ANK2: variants seen among roughly 807,000 people sequenced by gnomAD.
ANK2 encodes ankyrin-2.
In ANK2, 83 loss-of-function variants were observed where a neutral mutation model predicts 360.5. That is an observed-to-expected ratio of 0.23 (90% CI 0.19 to 0.28). The LOEUF (loss-of-function observed/expected upper bound fraction) is 0.28. Among genes scored for constraint, ANK2 ranks in the 10% least tolerant of loss-of-function variants. The pLI, the probability that ANK2 is intolerant of heterozygous loss-of-function variation, is 1.00. For missense variants in ANK2, 4,201 were observed against 4,795.7 expected, an observed-to-expected ratio of 0.88 and a Z score of 3.66; for synonymous variants, 1,740 against 1,759.5, an observed-to-expected ratio of 0.99 and a Z score of 0.28.
intron 43 of ANK2, among the ~76,000 whole-genome samples, chr4:113,370,661 G>A (rs969923314): frequency 3.3e-5 from 5 of 152,302 alleles, no homozygotes; most frequent in African/African-American, 1.2e-4. Context: ...TCCGGAGGCT[G>A]AGGCAGGAGA....
chr4:112,722,020 A>G, the ANK2 span, among the ~76,000 whole-genome samples: 3 of 152,334 alleles, frequency 2.0e-5, no homozygotes, highest in East Asian at 5.8e-4. Flanking sequence ...ATGTAACCTC[A>G]TAAAAGGTTT....
the ANK2 span, among the ~76,000 whole-genome samples, chr4:112,810,993 T>A: frequency 2.0e-5 from 3 of 150,520 alleles, no homozygotes; most frequent in African/African-American, 7.3e-5. Flanking sequence ...TGGAGGGCAG[T>A]GGCGCGATCT....
rs759911926 is a variant in ANK2 at position 113,232,279 on chromosome 4, A to C, written c.483+20A>C. 2 of 1,516,068 alleles carry C rather than the reference A, an allele frequency of 1.3e-6. No individual in the cohort carries two copies. The highest frequency in any genetic ancestry group is 2.2e-5 in the South Asian group (2 of 88,974). The allele number at this position is 1,516,068 out of a possible 1,614,324, so 93.9% of individuals were successfully genotyped here. ...ACAGAGGTAAGACTGTCAGCCCTAA[A>C]GCCTTGAATTCTTTGATCTTAATGT... On this transcript the variant is annotated intron_variant, in intron 5 of 45. Transcript: ENST00000357077.
chr4:112,705,865 G>C, the ANK2 span, among the ~76,000 whole-genome samples: 1 of 151,974 alleles, frequency 6.6e-6, no homozygotes, highest in African/African-American at 2.4e-5. Context: ...AGGGGCAGCT[G>C]CTTGCCCAGC....
At position 113,367,870 on chromosome 4, in the gene ANK2, C is replaced by A. The variant is rs763807097; in HGVS notation, c.11318+19C>A. 1 of 1,613,910 alleles carries A rather than the reference C, an allele frequency of 6.2e-7. No homozygotes were observed. The highest frequency in any genetic ancestry group is 2.2e-5 in the East Asian group (1 of 44,858). On this transcript the variant is annotated intron_variant, in intron 42 of 45. Coordinates refer to ENST00000357077, the MANE Select transcript of ANK2 (RefSeq NM_001148.6). Reference sequence around the variant, plus strand: ...AATATTTGTGAGTTTCCAAAGAAAGCCTGTCAAATGTAATACCAAAGAAAC... The same window carrying A: ...AATATTTGTGAGTTTCCAAAGAAAGACTGTCAAATGTAATACCAAAGAAAC...
intron 1 of ANK2, among the ~76,000 whole-genome samples, chr4:112,843,239 C>A (rs1472683849): frequency 1.3e-5 from 2 of 152,202 alleles, no homozygotes; most frequent in Non-Finnish European, 2.9e-5. Flanking sequence ...ATTTAGCCTT[C>A]ACGGAGATGT....
chr4:113,356,553 T>C lies in ANK2; in HGVS notation c.7935T>C (p.Asp2645=), dbSNP rs1229854532. The part of the protein sequence containing the change: ...DEPKHTGSGE[D]ESGVPVLVTS... Reference sequence around the variant, plus strand: ...CAAAACATACAGGCAGTGGGGAGGATGAAAGTGGTGTCCCTGTGTTAGTAA... The same window carrying C: ...CAAAACATACAGGCAGTGGGGAGGACGAAAGTGGTGTCCCTGTGTTAGTAA... Residue 2645 remains aspartate, a synonymous_variant, in exon 38 of 46, where the codon GAT becomes GAC. Coordinates refer to ENST00000357077, the MANE Select transcript of ANK2 (RefSeq NM_001148.6). 6.2e-7 allele frequency: 1 copy of C among 1,613,900 alleles called. No homozygotes were observed. Among genetic ancestry groups the C allele is most frequent in the African/African-American group, 1.3e-5 (1 of 74,866 alleles).
intron 2 of ANK2, among the ~76,000 whole-genome samples, chr4:112,930,458 AAAAAG>A (rs2093080061): frequency 1.3e-5 from 2 of 151,592 alleles, no homozygotes; most frequent in South Asian, 4.2e-4. Context: ...CAAAAAAAAA[AAAAAG>A]AAAAGAAAAT....
intron 24 of ANK2, among the ~76,000 whole-genome samples, chr4:113,315,707 G>A (rs1191783408): frequency 6.6e-6 from 1 of 151,964 alleles, no homozygotes; most frequent in African/African-American, 2.4e-5. Flanking sequence ...GACCATCCTG[G>A]CTAACACGGT....
Position 113,353,948 on chromosome 4 carries a change from T to C in ANK2, c.5330T>C (p.Val1777Ala). The change falls in exon 38 of 46, where the codon GTG becomes GCG. Residue 1777 changes from valine (V) to alanine (A), a missense_variant. Around this residue, in one of 4 missense-constraint regions of ANK2, gnomAD observed 2,642 missense variants for 2,714.5 expected, o/e 0.97. Transcript: ENST00000357077. ...KDKVKALQKR[V>A]EDEQKGRSKL... ...AAAGTAAAGGCCCTTCAGAAGCGAG[T>C]GGAAGATGAACAGAAAGGTCGAAGC... 2 of 1,613,548 alleles carry C rather than the reference T, an allele frequency of 1.2e-6. No individual in the cohort carries two copies. Among genetic ancestry groups the C allele is most frequent in the Non-Finnish European group, 1.7e-6 (2 of 1,179,830 alleles).
intron 4 of ANK2, among the ~76,000 whole-genome samples, chr4:113,227,705 C>T (rs2099242156): frequency 6.6e-6 from 1 of 152,174 alleles, no homozygotes; most frequent in Non-Finnish European, 1.5e-5. Context: ...GTAACTGCCA[C>T]CTGCCTGTCA....
At chr4:112,787,334 C>T in the ANK2 span, among the ~76,000 whole-genome samples, 1 of 152,164 alleles carries the variant, frequency 6.6e-6, no homozygotes, top group African/African-American at 2.4e-5. Context: ...TCGATAAACC[C>T]TCTATTCAGG....
chr4:112,898,218 T>A (rs2082277161), intron 1 of ANK2, among the ~76,000 whole-genome samples: 1 of 152,202 alleles, frequency 6.6e-6, no homozygotes, highest in South Asian at 2.1e-4. Context: ...AATAAAGTTA[T>A]CGTGTTATTA....
At chr4:112,961,663 T>C (rs533330690) in intron 2 of ANK2, among the ~76,000 whole-genome samples, 206 of 152,288 alleles carry the variant, frequency 1.4e-3, no homozygotes, top group African/African-American at 4.6e-3. Context: ...CCATTGTGTT[T>C]AGGGCTGTTG....
chr4:113,361,433 A>G (rs1034610953), intron 39 of ANK2, among the ~76,000 whole-genome samples: 2 of 152,072 alleles, frequency 1.3e-5, no homozygotes, highest in Non-Finnish European at 2.9e-5. Flanking sequence ...GTGAATTCTA[A>G]AATCAATATA....
intron 2 of ANK2, among the ~76,000 whole-genome samples, chr4:113,015,978 C>A (rs1359899347): frequency 6.6e-6 from 1 of 151,896 alleles, no homozygotes; most frequent in Non-Finnish European, 1.5e-5. Context: ...GATGTAAAAC[C>A]ATTTGAGAGA....
chr4:112,800,394 CGTGTGTGTGTAT>C, the ANK2 span, among the ~76,000 whole-genome samples: 5 of 152,068 alleles, frequency 3.3e-5, no homozygotes, highest in African/African-American at 1.2e-4. Context: ...ACAAATCTAG[CGTGTGTGTGTAT>C]GTGTGTGTGT....
intron 2 of ANK2, among the ~76,000 whole-genome samples, chr4:112,975,996 A>AT (rs775839945): frequency 3.3e-5 from 5 of 151,540 alleles, no homozygotes; most frequent in East Asian, 3.9e-4. Flanking sequence ...TTTAATTGGT[A>AT]TTTTTTTCAA....
At chr4:113,268,229 G>A (rs2057020185) in intron 14 of ANK2, among the ~76,000 whole-genome samples, 1 of 152,084 alleles carries the variant, frequency 6.6e-6, no homozygotes, top group African/African-American at 2.4e-5. Context: ...CTTCCTATTT[G>A]AATACCCTTT....
Sources: gnomAD v4.1 joint callset for allele counts (sites outside exome capture counted in the v4.1 genomes callset) on GRCh38, gnomAD v4.1.1 for gene constraint, gnomAD v4.1.1 regional missense constraint, MANE v1.5 for transcripts, NCBI Gene and HGNC (gene_info 2026-07-23, HGNC 2026-07-21) for gene names.